Variants in VPS37A observed in about 807,000 individuals in gnomAD.
VPS37A encodes vacuolar protein sorting-associated protein 37A.
A neutral mutation model predicts 49.8 loss-of-function variants in VPS37A; 30 were observed. The ratio of observed to expected loss-of-function variants is 0.60; its 90% confidence interval spans 0.45 to 0.82. The LOEUF is 0.82. VPS37A is among the 40% of genes least tolerant of loss of function. VPS37A has a pLI of 0.00. For missense variants in VPS37A, 593 were observed against 464.4 expected (o/e 1.28, Z -2.55); for synonymous variants, 195 against 160.6 (o/e 1.21, Z -1.62).
intron 11 of VPS37A, among the ~76,000 whole-genome samples, chr8:17,293,847 C>CA (rs1226130583): frequency 1.3e-5 from 2 of 152,200 alleles, no homozygotes; most frequent in Admixed American, 6.5e-5. Context: ...GGGGCACCTG[C>CA]AAAGTGCCAG....
intron 1 of VPS37A, among the ~76,000 whole-genome samples, chr8:17,264,606 A>G (rs1047162694): frequency 5.9e-5 from 9 of 152,228 alleles, no homozygotes; most frequent in Non-Finnish European, 1.3e-4. Context: ...CTTAAGATTT[A>G]CATATCCTAG....
At chr8:17,276,764 A>G (rs1814556066) in intron 6 of VPS37A, among the ~76,000 whole-genome samples, 2 of 152,130 alleles carry the variant, frequency 1.3e-5, no homozygotes, top group Non-Finnish European at 2.9e-5. Flanking sequence ...TTTTGAATAC[A>G]TTATTCCTGA....
chr8:17,329,357 G>T, the VPS37A span, among the ~76,000 whole-genome samples: 2 of 152,270 alleles, frequency 1.3e-5, no homozygotes, highest in Non-Finnish European at 2.9e-5. Context: ...AGATATCCTA[G>T]CCTACTGCAC....
At chr8:17,288,918 G>C (rs149266306) in intron 11 of VPS37A, among the ~76,000 whole-genome samples, 7 of 152,084 alleles carry the variant, frequency 4.6e-5, no homozygotes, top group African/African-American at 1.7e-4. Context: ...CATTCTAACT[G>C]GTGTGACATG....
At chr8:17,307,478 C>T in the VPS37A span, among the ~76,000 whole-genome samples, 15,925 of 151,842 alleles carry the variant, frequency 0.1, 1,114 homozygotes, top group African/African-American at 0.21. Flanking sequence ...GTCAGTGTGG[C>T]GATTCCTCAG....
At chr8:17,317,067 G>A in the VPS37A span, among the ~76,000 whole-genome samples, 1 of 152,102 alleles carries the variant, frequency 6.6e-6, no homozygotes, top group Non-Finnish European at 1.5e-5. Context: ...AATATTAATG[G>A]CAGTTTTTGT....
At chr8:17,312,822 C>T in the VPS37A span, among the ~76,000 whole-genome samples, 1 of 152,044 alleles carries the variant, frequency 6.6e-6, no homozygotes, top group Admixed American at 6.6e-5. Flanking sequence ...AAAAACTGAA[C>T]AACACAAAAG....
chr8:17,300,363 C>G (rs1358269474), downstream of VPS37A: 6 of 956,418 alleles, frequency 6.3e-6, no homozygotes, highest in Non-Finnish European at 9.0e-6. Flanking sequence ...TGAGTTCAAA[C>G]CTGGACTTCA....
chr8:17,268,613 C>A (rs1156961654), intron 3 of VPS37A, among the ~76,000 whole-genome samples: 4 of 152,046 alleles, frequency 2.6e-5, no homozygotes, highest in African/African-American at 9.7e-5. Context: ...TGTAAATAGT[C>A]AAGTAAGGAA....
At chr8:17,270,966 T>A (rs1490329520) in intron 4 of VPS37A, among the ~76,000 whole-genome samples, 1 of 152,108 alleles carries the variant, frequency 6.6e-6, no homozygotes, top group Non-Finnish European at 1.5e-5. Context: ...ACACACCCAC[T>A]GTACAATGGT....
chr8:17,299,286 T>C (rs936077186), downstream of VPS37A: 2 of 152,288 alleles, frequency 1.3e-5, no homozygotes, highest in African/African-American at 4.8e-5. Flanking sequence ...ATTCAAAATA[T>C]ATGCTCCAAG....
At chr8:17,308,591 TA>T in the VPS37A span, among the ~76,000 whole-genome samples, 1 of 152,208 alleles carries the variant, frequency 6.6e-6, no homozygotes, top group African/African-American at 2.4e-5. Flanking sequence ...ATTTAAATTT[TA>T]TCACCAAAGA....
intron 9 of VPS37A, among the ~76,000 whole-genome samples, chr8:17,284,159 G>T (rs1426157543): frequency 6.6e-6 from 1 of 152,228 alleles, no homozygotes; most frequent in Admixed American, 6.5e-5. Context: ...GAGGTCATTA[G>T]TGGAGCGTCT....
chr8:17,308,610 A>C, the VPS37A span, among the ~76,000 whole-genome samples: 2 of 152,210 alleles, frequency 1.3e-5, no homozygotes, highest in African/African-American at 2.4e-5. Context: ...AGACTAAACT[A>C]AGTACAGCTA....
At position 17,268,322 on chromosome 8, in the gene VPS37A, C is replaced by T. The variant is rs952816908; in HGVS notation, c.265C>T (p.His89Tyr). ...VISVYPPIRH[H>Y]LMDKQGVYVT... ...CAGTGTTTATCCACCAATACGACAT[C>T]ACTTAATGGATAAACAAGGAGTGTA... Residue 89 changes from histidine to tyrosine, a missense_variant, in exon 3 of 12, where the codon CAC (histidine) becomes TAC (tyrosine). By Grantham distance (83) the His-to-Tyr change is moderately conservative (BLOSUM62 2). Coordinates refer to ENST00000324849, the MANE Select transcript of VPS37A (RefSeq NM_152415.3). The T allele has an allele frequency of 2.2e-5, 36 of 1,613,300 alleles. No homozygotes were observed. The highest frequency in any genetic ancestry group is 3.0e-5 in the Non-Finnish European group (35 of 1,179,752).
downstream of VPS37A, chr8:17,301,973 A>G: frequency 1.4e-6 from 1 of 695,944 alleles, no homozygotes. Flanking sequence ...AAATGCATTA[A>G]ATGCCTAGGT....
intron 9 of VPS37A, among the ~76,000 whole-genome samples, chr8:17,283,033 A>C (rs1815235926): frequency 6.6e-6 from 1 of 152,226 alleles, no homozygotes. Flanking sequence ...TAAAAAGCCA[A>C]ATAAAACATC....
chr8:17,284,639 G>C (rs373226571), intron 10 of VPS37A, 23 bp downstream of exon 10: 252 of 1,566,432 alleles, frequency 1.6e-4, no homozygotes, highest in Non-Finnish European at 2.1e-4. Context: ...CGTCAGTTGA[G>C]GACAAGTATT....
chr8:17,321,255 A>T, the VPS37A span, among the ~76,000 whole-genome samples: 7 of 152,224 alleles, frequency 4.6e-5, no homozygotes, highest in African/African-American at 1.7e-4. Flanking sequence ...GCAAGAGAGG[A>T]ATGGATGGCC....
Sources: allele counts gnomAD v4.1 joint callset (sites outside exome capture counted in the v4.1 genomes callset), GRCh38; gene constraint gnomAD v4.1.1; transcripts MANE v1.5; gene names NCBI Gene and HGNC (gene_info 2026-07-23, HGNC 2026-07-21).